GYPC: variants seen among roughly 807,000 people sequenced by gnomAD.
GYPC encodes glycophorin C (Gerbich blood group), also known as glycophorin-C.
Under a neutral mutation model 12.6 loss-of-function variants are expected in GYPC, and 14 were observed. That is an observed-to-expected ratio of 1.11 (90% CI 0.74 to 1.74). The LOEUF is 1.74. Ranked by LOEUF, GYPC falls within the 40% of genes most tolerant of loss-of-function variation. The pLI is 0.00. For missense variants in GYPC, 225 were observed against 172.1 expected (o/e 1.31, Z -1.72); for synonymous variants, 78 against 62.1 (o/e 1.26, Z -1.20).
intron 1 of GYPC, among the ~76,000 whole-genome samples, chr2:126,665,946 A>G (rs959356498): frequency 6.6e-6 from 1 of 152,150 alleles, no homozygotes; most frequent in Admixed American, 6.5e-5. Flanking sequence ...GGGACTCTGC[A>G]GCCTGCCCTG....
At position 126,656,201 on chromosome 2, in the gene GYPC, C is replaced by T; in HGVS notation, c.-63C>T. On this transcript the variant is annotated 5_prime_UTR_variant, in exon 1 of 4. Transcript: ENST00000259254. ...CAGGAGCCCGGGAGCGCGACCCTCC[C>T]CCGGCCCGGCCTGGCCCGGCCTGGC... The T allele has an allele frequency of 6.5e-7, 1 of 1,546,840 alleles. No individual in the cohort carries two copies. The highest frequency in any genetic ancestry group is 1.2e-5 in the South Asian group (1 of 84,060).
chr2:126,693,881 T>C lies in GYPC; in HGVS notation c.124T>C (p.Ser42Pro), dbSNP rs142432082. 21 of 1,609,308 alleles carry C rather than the reference T, an allele frequency of 1.3e-5. No homozygotes were observed. The highest frequency in any genetic ancestry group is 1.7e-5 in the Non-Finnish European group (20 of 1,175,694). The stretch of plus-strand genomic sequence containing the variant: ...GTTCACAGAGCCTGATCCAGGGATG[T>C]CTGGATGGCCGGATGGCAGAATGGA... The part of the protein sequence containing the change: ...TTIAEPDPGM[S>P]GWPDGRMETS... Residue 42 changes from serine (S) to proline (P), a missense_variant, in exon 3 of 4, where the codon TCT (serine) becomes CCT (proline). Ser to Pro is a moderately conservative substitution (Grantham distance 74). Transcript: ENST00000259254.
chr2:126,673,299 G>A (rs28387136), intron 1 of GYPC, among the ~76,000 whole-genome samples: 2,711 of 152,118 alleles, frequency 0.018, 67 homozygotes, highest in African/African-American at 0.062. Flanking sequence ...GTTGGCCCCC[G>A]GGCATCTGTC....
chr2:126,677,352 TGTGA>T (rs781695628), intron 1 of GYPC, among the ~76,000 whole-genome samples: 26 of 151,162 alleles, frequency 1.7e-4, no homozygotes, highest in African/African-American at 2.4e-4. Flanking sequence ...AGAATGTGTG[TGTGA>T]GTGTGAGAGA....
At chr2:126,670,257 C>T (rs1176474968) in intron 1 of GYPC, among the ~76,000 whole-genome samples, 1 of 152,256 alleles carries the variant, frequency 6.6e-6, no homozygotes, top group East Asian at 1.9e-4. Flanking sequence ...TTAGCCAGGA[C>T]TCACTTGCTG....
In GYPC at chr2:126,671,248, G is replaced by A. The variant is rs182568945; in HGVS notation, c.49+14936G>A. On this transcript the variant is annotated intron_variant, in intron 1 of 3. Transcript: ENST00000259254. The stretch of plus-strand genomic sequence containing the variant: ...TCCTGCCCTCCTCCTACCTCCTCTG[G>A]AAATACAGGCACTCGGGGCTTTGCC... Among the ~76,000 whole-genome samples, 819 of 152,272 alleles carry A rather than the reference G, an allele frequency of 5.4e-3. 5 individuals are homozygous for A. The highest frequency in any genetic ancestry group is 0.01 in the Admixed American group (160 of 15,292).
intron 1 of GYPC, among the ~76,000 whole-genome samples, chr2:126,671,607 G>T (rs943802867): frequency 6.6e-6 from 1 of 152,156 alleles, no homozygotes; most frequent in Non-Finnish European, 1.5e-5. Flanking sequence ...CTCAACCGTG[G>T]TCTCCTGGAG....
chr2:126,680,378 C>T (rs1332147762), intron 1 of GYPC: 3 of 152,178 alleles, frequency 2.0e-5, no homozygotes, highest in South Asian at 2.1e-4. Context: ...AGGGACAACC[C>T]GGAGCCTCCC....
chr2:126,691,537 T>C (rs796307386), intron 2 of GYPC, among the ~76,000 whole-genome samples: 12 of 152,072 alleles, frequency 7.9e-5, no homozygotes, highest in Admixed American at 2.6e-4. Context: ...TGAGGAGCAG[T>C]CATCGGGCCA....
chr2:126,677,677 T>C (rs1039946636), intron 1 of GYPC, among the ~76,000 whole-genome samples: 2 of 152,026 alleles, frequency 1.3e-5, no homozygotes, highest in African/African-American at 2.4e-5. Context: ...TGCTGCTTTG[T>C]ATGTGTTGCC....
intron 1 of GYPC, among the ~76,000 whole-genome samples, chr2:126,660,401 C>T (rs953308000): frequency 6.6e-6 from 1 of 152,238 alleles, no homozygotes; most frequent in Non-Finnish European, 1.5e-5. Context: ...TCCAGCTGCA[C>T]CTCTCACAAC....
chr2:126,689,173 AG>A (rs1351449519), intron 1 of GYPC, among the ~76,000 whole-genome samples: 1 of 152,084 alleles, frequency 6.6e-6, no homozygotes, highest in Non-Finnish European at 1.5e-5. Context: ...GACCTATGGG[AG>A]GGCTTCAGGA....
chr2:126,662,846 G>T (rs1682569534), intron 1 of GYPC, among the ~76,000 whole-genome samples: 1 of 152,080 alleles, frequency 6.6e-6, no homozygotes, highest in Admixed American at 6.6e-5. Flanking sequence ...CACTGAGTGT[G>T]TGCGTGTGTG....
chr2:126,677,428 TGA>T (rs984063564), intron 1 of GYPC, among the ~76,000 whole-genome samples: 14 of 143,582 alleles, frequency 9.8e-5, no homozygotes, highest in South Asian at 4.3e-4. Flanking sequence ...TGAGAGAATG[TGA>T]GAGAGTAGGA....
Position 126,693,921 on chromosome 2 carries a change from C to T in GYPC, c.164C>T (p.Thr55Ile), listed in dbSNP as rs1003171619. The T allele has an allele frequency of 2.5e-6, 4 of 1,611,128 alleles. No individual in the cohort carries two copies. The African/African-American group carries it at 4.0e-5, about 16-fold the overall frequency. The change falls in exon 3 of 4, where the codon ACC (threonine) becomes ATC (isoleucine). Residue 55 changes from threonine to isoleucine, a missense_variant. By Grantham distance (89) the Thr-to-Ile change is moderately conservative. Coordinates refer to ENST00000259254, the MANE Select transcript of GYPC (RefSeq NM_002101.5). ...GGCAGAATGGAGACCTCCACCCCCA[C>T]CATAATGGACATTGTCGTCATTGCA... ...PDGRMETSTP[T>I]IMDIVVIAGV...
chr2:126,673,880 G>T (rs1430032757), intron 1 of GYPC, among the ~76,000 whole-genome samples: 1 of 152,148 alleles, frequency 6.6e-6, no homozygotes, highest in Non-Finnish European at 1.5e-5. Flanking sequence ...AATCCAGGAG[G>T]ATCAGCCTCT....
At chr2:126,677,438 GGA>G (rs1386164899) in intron 1 of GYPC, among the ~76,000 whole-genome samples, 15 of 133,310 alleles carry the variant, frequency 1.1e-4, no homozygotes, top group South Asian at 2.3e-4. Context: ...TGAGAGAGTA[GGA>G]GTGTGTGTGT....
intron 1 of GYPC, among the ~76,000 whole-genome samples, chr2:126,684,022 G>T (rs969106769): frequency 1.3e-5 from 2 of 152,156 alleles, no homozygotes; most frequent in Non-Finnish European, 2.9e-5. Context: ...GTGGTGTTTT[G>T]ATACCGCAGC....
At chr2:126,661,901 T>C (rs1264644864) in intron 1 of GYPC, among the ~76,000 whole-genome samples, 2 of 152,210 alleles carry the variant, frequency 1.3e-5, no homozygotes, top group African/African-American at 4.8e-5. Context: ...CAGGGTGGCC[T>C]TGGTTATCTC....
Sources: gnomAD v4.1 joint callset for allele counts (sites outside exome capture counted in the v4.1 genomes callset) on GRCh38, gnomAD v4.1.1 for gene constraint, MANE v1.5 for transcripts, NCBI Gene and HGNC (gene_info 2026-07-23, HGNC 2026-07-21) for gene names.